The following DNAI4 variants were observed in gnomAD, a reference collection of about 807,000 sequenced individuals.
DNAI4 encodes WD repeat domain 78.
In DNAI4, 85 loss-of-function variants were observed where a neutral mutation model predicts 105.8. The ratio of observed to expected loss-of-function variants is 0.80; its 90% CI spans 0.67 to 0.96. DNAI4 has a LOEUF of 0.96. Among genes scored for constraint, DNAI4 ranks in the 40% least tolerant of loss-of-function variants. DNAI4 has a pLI of 0.00. For synonymous variants in DNAI4, 352 were observed against 331.5 expected (o/e 1.06, Z -0.67); for missense variants, 1,014 against 1,005.6 (o/e 1.01, Z -0.11).
chr1:66,825,241 G>T (rs371699651), intron 15 of DNAI4, among the ~76,000 whole-genome samples: 2 of 142,270 alleles, frequency 1.4e-5, no homozygotes, highest in South Asian at 4.6e-4. Context: ...CTGCAGTGGC[G>T]CAATCTCGGC....
chr1:66,877,439 G>T (rs1485040305), intron 4 of DNAI4, among the ~76,000 whole-genome samples: 1 of 152,102 alleles, frequency 6.6e-6, no homozygotes, highest in African/African-American at 2.4e-5. Context: ...AGCAATAATT[G>T]CTTGGACTTA....
Position 66,905,205 on chromosome 1 carries a change from G to A in DNAI4, c.341C>T (p.Thr114Ile), listed in dbSNP as rs958632386. 3 of 1,502,434 alleles carry A rather than the reference G, an allele frequency of 2.0e-6. No individual in the cohort carries two copies. The highest frequency in any genetic ancestry group is 1.4e-5 in the African/African-American group (1 of 72,476). 93.1% of individuals were successfully genotyped at this position (1,502,434 alleles called of 1,614,324 possible). Residue 114 changes from threonine to isoleucine, a missense_variant, in exon 2 of 17, where the codon ACA becomes ATA. Coordinates refer to ENST00000371026, the MANE Select transcript of DNAI4 (RefSeq NM_024763.5). The stretch of plus-strand genomic sequence containing the variant: ...TCAGAATTCTAAGAATATTACCTGT[G>A]TTGTCTTTATATTGGGATTTGGTTT... ...VEKPNPNIKT[T>I]QVFDINGTDV...
chr1:66,842,565 G>T (rs1646173266), intron 8 of DNAI4, among the ~76,000 whole-genome samples: 1 of 151,882 alleles, frequency 6.6e-6, no homozygotes, highest in South Asian at 2.1e-4. Context: ...TAAATTTTTT[G>T]TATTTTTAGT....
intron 5 of DNAI4, 62 bp downstream of exon 5, chr1:66,874,719 T>C: frequency 5.8e-6 from 9 of 1,541,588 alleles, no homozygotes; most frequent in Non-Finnish European, 7.9e-6. Flanking sequence ...GAAACAAGGA[T>C]AAGAACCCTT....
At chr1:66,893,030 G>C (rs1208631782) in intron 3 of DNAI4, among the ~76,000 whole-genome samples, 199 bp downstream of exon 3, 1 of 112,864 alleles carries the variant, frequency 8.9e-6, no homozygotes, top group Non-Finnish European at 1.9e-5. Flanking sequence ...AAGAAAGAAA[G>C]AGAGGAAAGA....
intron 7 of DNAI4, among the ~76,000 whole-genome samples, chr1:66,850,568 C>T (rs955324853): frequency 6.6e-6 from 1 of 151,904 alleles, no homozygotes; most frequent in Non-Finnish European, 1.5e-5. Flanking sequence ...GAATATACTT[C>T]TTATTCTTTT....
intron 2 of DNAI4, among the ~76,000 whole-genome samples, chr1:66,900,055 TG>T (rs1201114277): frequency 6.6e-6 from 1 of 152,168 alleles, no homozygotes; most frequent in African/African-American, 2.4e-5. Flanking sequence ...TGATTCCATA[TG>T]AATTTTATTT....
At chr1:66,846,559 A>G (rs529577640) in intron 8 of DNAI4, among the ~76,000 whole-genome samples, 17 of 152,340 alleles carry the variant, frequency 1.1e-4, no homozygotes, top group African/African-American at 4.1e-4. Context: ...AAATATAGCT[A>G]ACTTTTAGAG....
At chr1:66,893,536 T>C (rs1256441766) in intron 2 of DNAI4, 123 bp from the exon 3 acceptor site, 15 of 569,836 alleles carry the variant, frequency 2.6e-5, no homozygotes, top group Non-Finnish European at 3.8e-5. Context: ...TATAATAGGA[T>C]AAACATGAAA....
intron 9 of DNAI4, 96 bp from the exon 10 acceptor site, chr1:66,837,892 T>C (rs1309075674): frequency 1.2e-5 from 14 of 1,184,236 alleles, no homozygotes; most frequent in South Asian, 3.1e-5. Flanking sequence ...GTGTTAAAAA[T>C]AGTAGTAAGA....
intron 13 of DNAI4, 50 bp from the exon 14 acceptor site, chr1:66,827,960 G>A (rs1645790341): frequency 4.3e-6 from 5 of 1,149,442 alleles, no homozygotes; most frequent in Non-Finnish European, 6.3e-6. Flanking sequence ...ATTAGTAAGT[G>A]TGATAAATAG....
chr1:66,906,072 C>T (rs999186630), intron 1 of DNAI4, among the ~76,000 whole-genome samples: 4 of 151,802 alleles, frequency 2.6e-5, no homozygotes, highest in East Asian at 3.9e-4. Context: ...TACAGGTGTG[C>T]ACCACCATGC....
At position 66,924,703 on chromosome 1, in the gene DNAI4, T is replaced by A. The variant is rs1434323190; in HGVS notation, c.129A>T (p.Pro43=). 4 of 1,614,118 alleles carry A rather than the reference T, an allele frequency of 2.5e-6. No homozygotes were observed. Among genetic ancestry groups the A allele is most frequent in the African/African-American group, 1.3e-5 (1 of 74,942 alleles). ...GCTTGTGACTGCCTGCCGGAGAGAC[T>A]GGCATGGTGGCGACCAGCTGGGGAG... ...CTTPQLVATM[P]VSPAGSHKQQ... is the part of the protein sequence containing the mutation. The change falls in exon 1 of 17, where the codon CCA becomes CCT. Residue 43 remains proline, a synonymous_variant. Transcript: ENST00000371026.
chr1:66,875,833 TCAA>T (rs1646948520), intron 4 of DNAI4, among the ~76,000 whole-genome samples: 1 of 152,044 alleles, frequency 6.6e-6, no homozygotes, highest in Non-Finnish European at 1.5e-5. Context: ...AAACCAATCA[TCAA>T]CATTTTTAAT....
Position 66,862,153 on chromosome 1 carries a change from C to T in DNAI4, c.1090G>A (p.Glu364Lys), listed in dbSNP as rs1295432276. The T allele has an allele frequency of 6.4e-7, 1 of 1,561,498 alleles. No homozygotes were observed. Among genetic ancestry groups the T allele is most frequent in the Admixed American group, 2.2e-5 (1 of 45,298 alleles). ...AAAATAAATGAAATCTTACTTTTTT[C>T]TGTAGTGCTCCCTGGCAATCTTTGG... is the stretch of plus-strand genomic sequence containing the variant. ...QDQRLPGSTT[E>K]KNSETSSLMD... Residue 364 changes from glutamate to lysine, a missense_variant, in exon 7 of 17, where the codon GAA becomes AAA. Transcript: ENST00000371026.
At chr1:66,834,230 C>T in intron 11 of DNAI4, 82 bp from the exon 12 acceptor site, 5 of 1,098,142 alleles carry the variant, frequency 4.6e-6, no homozygotes, top group Non-Finnish European at 6.3e-6. Flanking sequence ...ATAAGGTCAG[C>T]TTTCTAGAAG....
chr1:66,822,746 T>C (rs1645658302), intron 15 of DNAI4, among the ~76,000 whole-genome samples: 1 of 152,202 alleles, frequency 6.6e-6, no homozygotes, highest in Non-Finnish European at 1.5e-5. Context: ...ACAATTAAGA[T>C]GTGAACTCAT....
chr1:66,875,408 A>G (rs1646939437), intron 4 of DNAI4, among the ~76,000 whole-genome samples: 3 of 152,286 alleles, frequency 2.0e-5, no homozygotes, highest in South Asian at 4.1e-4. Context: ...TTCCACCTCT[A>G]ATCATCTTCA....
intron 16 of DNAI4, among the ~76,000 whole-genome samples, chr1:66,816,264 C>T (rs1178717244): frequency 6.6e-6 from 1 of 152,040 alleles, no homozygotes; most frequent in Non-Finnish European, 1.5e-5. Flanking sequence ...CCTTTGTATA[C>T]CTCCTAATAC....
Sources: gnomAD v4.1 joint callset for allele counts (sites outside exome capture counted in the v4.1 genomes callset) on GRCh38, gnomAD v4.1.1 for gene constraint, MANE v1.5 for transcripts, NCBI Gene and HGNC (gene_info 2026-07-23, HGNC 2026-07-21) for gene names.